The following SDHC variants were observed in gnomAD, a reference collection of about 807,000 sequenced individuals.
SDHC encodes succinate dehydrogenase cytochrome b560 subunit, mitochondrial.
Under a neutral mutation model 22.6 loss-of-function variants are expected in SDHC, and 11 were observed. The ratio of observed to expected loss-of-function variants is 0.49; its 90% CI spans 0.31 to 0.81. SDHC has a LOEUF of 0.81. Ranked by LOEUF, SDHC falls within the 30% of genes least tolerant of loss-of-function variation. SDHC has a pLI of 0.05. For synonymous variants in SDHC, 80 were observed against 77.8 expected, an observed-to-expected ratio of 1.03 and a Z score of -0.15; for missense variants, 160 against 212.0, an observed-to-expected ratio of 0.75 and a Z score of 1.52.
chr1:161,338,880 C>T (rs906843210), intron 3 of SDHC, among the ~76,000 whole-genome samples: 7 of 151,934 alleles, frequency 4.6e-5, no homozygotes, highest in African/African-American at 1.7e-4. Flanking sequence ...ATGGAGTCAC[C>T]CTCTGTCGCC....
intron 1 of SDHC, among the ~76,000 whole-genome samples, chr1:161,316,948 C>CAATA (rs1440551815): frequency 1.3e-5 from 2 of 151,676 alleles, no homozygotes; most frequent in Non-Finnish European, 2.9e-5. Flanking sequence ...AACTTGGGCC[C>CAATA]ACTTAAGAGA....
intron 5 of SDHC, among the ~76,000 whole-genome samples, chr1:161,360,626 A>T (rs1412435540): frequency 1.3e-5 from 2 of 150,822 alleles, no homozygotes; most frequent in South Asian, 4.2e-4. Flanking sequence ...CACACCTGTA[A>T]TCTCAGCACT....
At chr1:161,331,041 T>TG (rs936702599) in intron 3 of SDHC, among the ~76,000 whole-genome samples, 13 of 150,972 alleles carry the variant, frequency 8.6e-5, no homozygotes, top group Non-Finnish European at 1.3e-4. Flanking sequence ...CTCCTGCTTG[T>TG]GTCATGGGAA....
At chr1:161,328,597 C>A (rs376437992) in intron 3 of SDHC, 100 bp downstream of exon 3, 7 of 811,292 alleles carry the variant, frequency 8.6e-6, no homozygotes, top group East Asian at 7.5e-5. Context: ...TTTTACTCAA[C>A]CAAAATACTG....
chr1:161,355,646 T>G lies in SDHC; in HGVS notation c.242-1031T>G, dbSNP rs75777103. On this transcript the variant is annotated intron_variant, in intron 4 of 5. Coordinates refer to ENST00000367975, the MANE Select transcript of SDHC (RefSeq NM_003001.5). ...TTTGTGTAATAGAGATTTGAATGAT[T>G]TAAAATTTTTCCTCTCTTCAGAGGT... Among the ~76,000 whole-genome samples, 669 of 152,276 alleles carry G rather than the reference T, an allele frequency of 4.4e-3. 17 individuals are homozygous for G. In the South Asian group the frequency reaches 0.05, roughly 11 times the overall value.
intron 4 of SDHC, among the ~76,000 whole-genome samples, chr1:161,351,100 A>G (rs1468902537): frequency 6.6e-6 from 1 of 152,210 alleles, no homozygotes; most frequent in Non-Finnish European, 1.5e-5. Flanking sequence ...GTCAGTGGAG[A>G]AGTGTGTGTG....
At chr1:161,315,704 C>T (rs564614537) in intron 1 of SDHC, among the ~76,000 whole-genome samples, 37 of 152,252 alleles carry the variant, frequency 2.4e-4, no homozygotes, top group African/African-American at 8.4e-4. Context: ...GCAGCGCTGT[C>T]CACTGAAGGG....
Position 161,314,590 on chromosome 1 carries a change from C to T in SDHC, c.20+165C>T, listed in dbSNP as rs553100174. On this transcript the variant is annotated intron_variant, in intron 1 of 5. Coordinates refer to ENST00000367975, the MANE Select transcript of SDHC (RefSeq NM_003001.5). ...TCCTAGAGACCCCTTTTCCCGTCCC[C>T]CCCAGCCGCTCCGGTGCGCTCCGTA... 1.0e-4 allele frequency: 82 copies of T among 784,386 alleles called. No homozygotes were observed. In the South Asian group the frequency reaches 1.2e-3, roughly 12 times the overall value. 48.6% of individuals were successfully genotyped at this position (784,386 alleles called of 1,614,324 possible). A position where few individuals can be genotyped will look rare whatever the true frequency, so the allele number is the denominator to read the frequency against.
At chr1:161,314,600 T>C (rs1670534092) in intron 1 of SDHC, 175 bp downstream of exon 1, 2 of 709,230 alleles carry the variant, frequency 2.8e-6, no homozygotes, top group African/African-American at 1.8e-5. Context: ...CCCCAGCCGC[T>C]CCGGTGCGCT....
chr1:161,321,507 C>T (rs1174135234), intron 1 of SDHC, among the ~76,000 whole-genome samples: 3 of 152,198 alleles, frequency 2.0e-5, no homozygotes, highest in Admixed American at 2.0e-4. Context: ...AGCTGAGTGA[C>T]TGGGCCTAGC....
At chr1:161,331,818 A>G (rs945194012) in intron 3 of SDHC, among the ~76,000 whole-genome samples, 12 of 149,736 alleles carry the variant, frequency 8.0e-5, no homozygotes, top group African/African-American at 3.0e-4. Flanking sequence ...ACTGGTCTTG[A>G]GCTCCTGACC....
At chr1:161,323,367 ATTC>A (rs1458789057) in intron 1 of SDHC, among the ~76,000 whole-genome samples, 1 of 151,934 alleles carries the variant, frequency 6.6e-6, no homozygotes, top group African/African-American at 2.4e-5. Flanking sequence ...GATTATTCTT[ATTC>A]TTTTGTCTTG....
chr1:161,356,958 T>C, intron 5 of SDHC, 118 bp downstream of exon 5: 1 of 1,053,118 alleles, frequency 9.5e-7, no homozygotes, highest in Non-Finnish European at 1.4e-6. Context: ...AAGAGTGGAG[T>C]CTCGCTCTAT....
At chr1:161,360,106 GGTGTATGT>G (rs1384229326) in intron 5 of SDHC, among the ~76,000 whole-genome samples, 1 of 151,540 alleles carries the variant, frequency 6.6e-6, no homozygotes, top group Non-Finnish European at 1.5e-5. Context: ...TCAGACTGTG[GGTGTATGT>G]GTGTATGTGT....
chr1:161,337,285 C>A (rs1384808877), intron 3 of SDHC, among the ~76,000 whole-genome samples: 1 of 152,164 alleles, frequency 6.6e-6, no homozygotes, highest in East Asian at 1.9e-4. Context: ...CTGGAAAACA[C>A]AAAGGCTAGG....
chr1:161,346,808 A>G (rs1233484386), intron 4 of SDHC, among the ~76,000 whole-genome samples: 1 of 152,178 alleles, frequency 6.6e-6, no homozygotes, highest in Admixed American at 6.5e-5. Context: ...CAGATACCAA[A>G]ATCTACAGAT....
chr1:161,352,179 C>T (rs1202859415), intron 4 of SDHC, among the ~76,000 whole-genome samples: 1 of 152,200 alleles, frequency 6.6e-6, no homozygotes, highest in Non-Finnish European at 1.5e-5. Context: ...ATATACTGAA[C>T]ATCAGAGGAG....
At chr1:161,340,743 C>G (rs1166117659) in intron 4 of SDHC, 88 bp downstream of exon 4, 1 of 956,480 alleles carries the variant, frequency 1.0e-6, no homozygotes, top group Non-Finnish European at 1.7e-6. Context: ...TCCTTTGAAA[C>G]TCAGCACTTG....
intron 3 of SDHC, among the ~76,000 whole-genome samples, chr1:161,333,549 A>G (rs1671362073): frequency 6.6e-6 from 1 of 152,106 alleles, no homozygotes; most frequent in South Asian, 2.1e-4. Flanking sequence ...GACTACAGGC[A>G]TGCGCCACCG....
Sources: gnomAD v4.1 joint callset for allele counts (sites outside exome capture counted in the v4.1 genomes callset) on GRCh38, gnomAD v4.1.1 for gene constraint, MANE v1.5 for transcripts, NCBI Gene and HGNC (gene_info 2026-07-23, HGNC 2026-07-21) for gene names.